Variants in DCLK2 observed in about 807,000 individuals in gnomAD.
DCLK2 encodes the protein doublecortin like kinase 2.
Under a neutral mutation model 78.4 loss-of-function variants are expected in DCLK2, and 31 were observed. The ratio of observed to expected loss-of-function variants is 0.40; its 90% CI spans 0.30 to 0.53. DCLK2 has a LOEUF of 0.53. Among genes scored for constraint, DCLK2 ranks in the 20% least tolerant of loss-of-function variants. The pLI, the probability that DCLK2 is intolerant of heterozygous loss-of-function variation, is 0.61. For missense variants in DCLK2, 872 were observed against 973.7 expected (o/e 0.90, Z 1.39); for synonymous variants, 407 against 374.9 (o/e 1.09, Z -0.99).
intron 2 of DCLK2, among the ~76,000 whole-genome samples, chr4:150,183,520 CT>C (rs1056277081): frequency 1.3e-5 from 2 of 152,094 alleles, no homozygotes; most frequent in African/African-American, 4.8e-5. Flanking sequence ...TTTGCTATAT[CT>C]TTTATAAGGA....
chr4:150,097,783 A>C (rs1188846570), intron 1 of DCLK2, among the ~76,000 whole-genome samples: 4 of 152,150 alleles, frequency 2.6e-5, no homozygotes, highest in African/African-American at 9.7e-5. Flanking sequence ...TTCTATACAG[A>C]AACCAAAACC....
At chr4:150,219,015 G>A (rs1209012695) in intron 5 of DCLK2, among the ~76,000 whole-genome samples, 2 of 152,086 alleles carry the variant, frequency 1.3e-5, no homozygotes, top group African/African-American at 4.8e-5. Flanking sequence ...ACCAGCCTGG[G>A]AAACACAGTG....
At chr4:150,253,364 C>T (rs1419113775) in intron 15 of DCLK2, 59 of 1,160,740 alleles carry the variant, frequency 5.1e-5, no homozygotes, top group Non-Finnish European at 6.0e-5. Flanking sequence ...GTGTTCTCAT[C>T]CCCAGAGCTG....
intron 4 of DCLK2, among the ~76,000 whole-genome samples, 188 bp from the exon 5 acceptor site, chr4:150,203,607 T>TG (rs1008719597): frequency 4.6e-5 from 7 of 151,928 alleles, no homozygotes; most frequent in Admixed American, 2.6e-4. Context: ...ACTCTGTTTT[T>TG]TTTTTTTTTG....
At chr4:150,247,785 C>T in intron 13 of DCLK2, 86 bp downstream of exon 13, 1 of 1,047,544 alleles carries the variant, frequency 9.5e-7, no homozygotes. Context: ...CTAGGTATTG[C>T]ATTCCAGAAA....
rs570050142 is a variant in DCLK2, at chr4:150,084,506, A to C, written c.421+5058A>C. 5.7e-4 allele frequency among the ~76,000 whole-genome samples: 87 copies of C among 152,322 alleles called. 2 individuals are homozygous for C. The South Asian group carries it at 0.017, about 30-fold the overall frequency. On this transcript the variant is annotated intron_variant, in intron 1 of 15. Coordinates refer to ENST00000296550, the MANE Select transcript of DCLK2 (RefSeq NM_001040260.4). ...CATTTCCTTAAAAACAAGGAAAATA[A>C]GATGTGCTATAATACAGCTGCATAA...
At chr4:150,203,669 G>T in intron 4 of DCLK2, 126 bp from the exon 5 acceptor site, 1 of 578,388 alleles carries the variant, frequency 1.7e-6, no homozygotes, top group Non-Finnish European at 2.8e-6. Context: ...TTTGCCGTCT[G>T]CTTTGAGCTG....
chr4:150,135,411 G>A (rs1733623345), intron 2 of DCLK2, among the ~76,000 whole-genome samples: 1 of 152,120 alleles, frequency 6.6e-6, no homozygotes, highest in Non-Finnish European at 1.5e-5. Flanking sequence ...AGACAAACGA[G>A]CACTTAAATA....
At chr4:150,199,487 C>G (rs1364851866) in intron 4 of DCLK2, among the ~76,000 whole-genome samples, 1 of 152,170 alleles carries the variant, frequency 6.6e-6, no homozygotes, top group African/African-American at 2.4e-5. Flanking sequence ...TTAGTAATCA[C>G]TGAAATCTTA....
chr4:150,250,410 C>G (rs984360365), intron 15 of DCLK2, among the ~76,000 whole-genome samples: 1 of 152,104 alleles, frequency 6.6e-6, no homozygotes, highest in Non-Finnish European at 1.5e-5. Flanking sequence ...CAGCAGCTGT[C>G]CAGGCCTGAG....
intron 2 of DCLK2, among the ~76,000 whole-genome samples, chr4:150,130,630 G>A (rs1234218151): frequency 6.6e-6 from 1 of 152,084 alleles, no homozygotes; most frequent in African/African-American, 2.4e-5. Context: ...GACTATATCA[G>A]CTTTTGACAA....
chr4:150,175,168 A>G (rs1423574767), intron 2 of DCLK2, among the ~76,000 whole-genome samples: 1 of 132,622 alleles, frequency 7.5e-6, no homozygotes, highest in African/African-American at 2.9e-5. Context: ...TATAATTTAT[A>G]TATATTTATA....
chr4:150,123,215 C>A (rs1177358346), intron 2 of DCLK2, among the ~76,000 whole-genome samples: 5 of 152,174 alleles, frequency 3.3e-5, no homozygotes, highest in Admixed American at 3.3e-4. Flanking sequence ...GACATGTTTT[C>A]TTTACTAAGC....
intron 4 of DCLK2, 90 bp downstream of exon 4, chr4:150,198,193 C>A: frequency 1.7e-6 from 2 of 1,201,214 alleles, no homozygotes; most frequent in Admixed American, 2.7e-5. Flanking sequence ...GTAGTCTTTG[C>A]CAGGGTCGTA....
At chr4:150,254,191 C>T (rs1424142814) in intron 15 of DCLK2, among the ~76,000 whole-genome samples, 2 of 152,230 alleles carry the variant, frequency 1.3e-5, no homozygotes, top group Admixed American at 6.5e-5. Context: ...CGTCACTCGG[C>T]GCCTGCGGTG....
intron 5 of DCLK2, 85 bp from the exon 6 acceptor site, chr4:150,220,618 C>G: frequency 8.8e-7 from 1 of 1,131,008 alleles, no homozygotes; most frequent in Non-Finnish European, 1.3e-6. Flanking sequence ...TTTTTACATT[C>G]TGTAAGCATT....
chr4:150,159,117 C>T (rs57086689), intron 2 of DCLK2, among the ~76,000 whole-genome samples: 2,810 of 152,234 alleles, frequency 0.018, 76 homozygotes, highest in African/African-American at 0.06. Flanking sequence ...GAGTGTGACA[C>T]TCCAGGAGTC....
At chr4:150,114,756 C>G (rs913173513) in intron 2 of DCLK2, among the ~76,000 whole-genome samples, 3 of 152,156 alleles carry the variant, frequency 2.0e-5, no homozygotes, top group Non-Finnish European at 4.4e-5. Flanking sequence ...GAGAAGTCTT[C>G]CATTAGTCTG....
intron 8 of DCLK2, 131 bp from the exon 9 acceptor site, chr4:150,232,206 T>C: frequency 1.7e-6 from 2 of 1,163,226 alleles, no homozygotes; most frequent in Non-Finnish European, 2.4e-6. Context: ...GGTTTAGTTG[T>C]CTTTGTGCCA....
Sources: allele counts gnomAD v4.1 joint callset (sites outside exome capture counted in the v4.1 genomes callset), GRCh38; gene constraint gnomAD v4.1.1; transcripts MANE v1.5; gene names NCBI Gene and HGNC (gene_info 2026-07-23, HGNC 2026-07-21).